The following ACVR2A variants were observed in gnomAD, a reference collection of about 807,000 sequenced individuals.
ACVR2A encodes activin receptor type-2A.
ACVR2A carries 7 observed loss-of-function variants against 61.4 expected under a neutral mutation model. That is an observed-to-expected ratio of 0.11 (90% CI 0.06 to 0.21). The LOEUF (loss-of-function observed/expected upper bound fraction) is 0.21. ACVR2A is among the 10% of genes least tolerant of loss of function. The pLI is 1.00. For missense variants in ACVR2A, 322 were observed against 621.7 expected (o/e 0.52, Z 5.13); for synonymous variants, 193 against 208.3 (o/e 0.93, Z 0.63).
chr2:147,882,060 A>G (rs1000024278), intron 1 of ACVR2A, among the ~76,000 whole-genome samples: 2 of 152,180 alleles, frequency 1.3e-5, no homozygotes, highest in Non-Finnish European at 2.9e-5. Context: ...TTGGGACTCT[A>G]AAACTTTTAT....
intron 1 of ACVR2A, among the ~76,000 whole-genome samples, chr2:147,849,870 A>G (rs1685404542): frequency 6.6e-6 from 1 of 152,156 alleles, no homozygotes. Flanking sequence ...AAACCAAATG[A>G]GATTTTAGTA....
chr2:147,883,353 G>A (rs1686355576), intron 1 of ACVR2A, among the ~76,000 whole-genome samples: 1 of 152,096 alleles, frequency 6.6e-6, no homozygotes, highest in Non-Finnish European at 1.5e-5. Flanking sequence ...ACCACACCCA[G>A]CTAATTTTTG....
chr2:147,927,269 C>A lies in ACVR2A; in HGVS notation c.1537C>A (p.Leu513Ile). Residue 513 changes from leucine to isoleucine, a missense_variant, in exon 11 of 11, where the codon CTA becomes ATA. Physicochemically the swap from Leu to Ile is conservative, Grantham distance 5. Coordinates refer to ENST00000241416, the MANE Select transcript of ACVR2A (RefSeq NM_001616.5). Reference protein sequence around the residue: ...NVDFPPKESSL With the variant: ...NVDFPPKESSI ...TGACTTTCCTCCCAAAGAATCTAGT[C>A]TATGATGGTTGCGCCATCTGTGCAC... 6.2e-7 allele frequency: 1 copy of A among 1,610,036 alleles called. No individual in the cohort carries two copies. Among genetic ancestry groups the A allele is most frequent in the South Asian group, 1.1e-5 (1 of 90,708 alleles).
At chr2:147,917,644 A>G (rs1002303090) in intron 6 of ACVR2A, among the ~76,000 whole-genome samples, 2 of 152,022 alleles carry the variant, frequency 1.3e-5, no homozygotes, top group Non-Finnish European at 2.9e-5. Flanking sequence ...CTCTACTCAT[A>G]TAAACCACCC....
At chr2:147,878,250 TTTAAA>T (rs138592573) in intron 1 of ACVR2A, among the ~76,000 whole-genome samples, 1,830 of 152,296 alleles carry the variant, frequency 0.012, 42 homozygotes, top group African/African-American at 0.042. Context: ...ACGTGAAAGA[TTTAAA>T]TTAAATATAC....
intron 1 of ACVR2A, among the ~76,000 whole-genome samples, chr2:147,892,467 T>C (rs1686611787): frequency 9.8e-6 from 1 of 101,848 alleles, no homozygotes; most frequent in East Asian, 4.1e-4. Context: ...AGGACTTCTT[T>C]AGAGCTCTTA....
intron 4 of ACVR2A, among the ~76,000 whole-genome samples, chr2:147,908,023 A>G: frequency 6.7e-6 from 1 of 148,420 alleles, no homozygotes; most frequent in Non-Finnish European, 1.5e-5. Flanking sequence ...TGGGTGACAG[A>G]GCAAGACTCT....
At position 147,899,548 on chromosome 2, in the gene ACVR2A, G is replaced by A. The variant is rs1128919; in HGVS notation, c.354G>A (p.Pro118=). ...NMCNEKFSYF[P]EMEVTQPTSN... ...GTAATGAAAAGTTTTCTTATTTTCC[G>A]GAGATGGAAGTCACACAGCGTAAGT... Residue 118 remains proline (P), a synonymous_variant, in exon 3 of 11, where the codon CCG becomes CCA. Coordinates refer to ENST00000241416, the MANE Select transcript of ACVR2A (RefSeq NM_001616.5). 515,081 of 1,611,270 alleles carry A rather than the reference G, an allele frequency of 0.32. 84,561 individuals carry two copies. Among genetic ancestry groups the A allele is most frequent in the East Asian group, 0.5 (22,484 of 44,818 alleles).
At chr2:147,857,683 C>G (rs1340985033) in intron 1 of ACVR2A, among the ~76,000 whole-genome samples, 3 of 151,930 alleles carry the variant, frequency 2.0e-5, no homozygotes, top group Non-Finnish European at 2.9e-5. Context: ...GCCTGTCTAC[C>G]ACAGTATGGA....
At chr2:147,844,844 A>G (rs1685258099), upstream of ACVR2A, 2 of 269,376 alleles carry the variant, frequency 7.4e-6, no homozygotes, top group South Asian at 1.1e-4. Flanking sequence ...GCTGACAGTG[A>G]TTTTGACAGT....
chr2:147,854,178 A>T (rs1340244913), intron 1 of ACVR2A, among the ~76,000 whole-genome samples: 1 of 152,224 alleles, frequency 6.6e-6, no homozygotes, highest in Non-Finnish European at 1.5e-5. Context: ...CAAAGAACAT[A>T]TCATTATAGA....
intron 1 of ACVR2A, among the ~76,000 whole-genome samples, chr2:147,878,029 A>AT (rs913852266): frequency 1.6e-4 from 24 of 152,026 alleles, no homozygotes; most frequent in Non-Finnish European, 2.2e-4. Context: ...GTAGTATGTG[A>AT]TTTTTTTTCC....
chr2:147,867,555 CTT>C, intron 1 of ACVR2A, among the ~76,000 whole-genome samples: 1 of 152,016 alleles, frequency 6.6e-6, no homozygotes, highest in Admixed American at 6.6e-5. Flanking sequence ...TATCTGGACT[CTT>C]TAAGTGGACC....
intron 1 of ACVR2A, among the ~76,000 whole-genome samples, chr2:147,867,605 A>G (rs1685896042): frequency 6.6e-6 from 1 of 152,136 alleles, no homozygotes; most frequent in South Asian, 2.1e-4. Flanking sequence ...CAAAGCAAAC[A>G]AAAATGCACC....
At chr2:147,915,378 G>A in intron 5 of ACVR2A, 44 bp downstream of exon 5, 1 of 1,605,236 alleles carries the variant, frequency 6.2e-7, no homozygotes, top group East Asian at 2.2e-5. Flanking sequence ...ATGTTTTATG[G>A]CTAGGTCATC....
At chr2:147,903,655 A>T (rs1686923411) in intron 4 of ACVR2A, among the ~76,000 whole-genome samples, 1 of 151,782 alleles carries the variant, frequency 6.6e-6, no homozygotes, top group South Asian at 2.1e-4. Flanking sequence ...TTCCCATTAC[A>T]CCCCAAAACA....
chr2:147,926,574 G>C (rs1185238214), intron 10 of ACVR2A, among the ~76,000 whole-genome samples: 1 of 151,904 alleles, frequency 6.6e-6, no homozygotes, highest in Non-Finnish European at 1.5e-5. Context: ...TTTCGGCTTA[G>C]ACTTTCAAGT....
At chr2:147,852,865 G>A (rs964316900) in intron 1 of ACVR2A, among the ~76,000 whole-genome samples, 12 of 152,202 alleles carry the variant, frequency 7.9e-5, no homozygotes, top group African/African-American at 2.9e-4. Context: ...GTGGGATGGA[G>A]AAATTTTGAC....
intron 7 of ACVR2A, 102 bp downstream of exon 7, chr2:147,918,694 G>C (rs1323486795): frequency 9.7e-6 from 10 of 1,027,182 alleles, no homozygotes; most frequent in Non-Finnish European, 1.4e-6. Flanking sequence ...ATGCAATCAT[G>C]CTTTACAAGA....
Sources: gnomAD v4.1 joint callset for allele counts (sites outside exome capture counted in the v4.1 genomes callset) on GRCh38, gnomAD v4.1.1 for gene constraint, MANE v1.5 for transcripts, NCBI Gene and HGNC (gene_info 2026-07-23, HGNC 2026-07-21) for gene names.